The following GPRIN3 variants were observed in gnomAD, a reference collection of about 807,000 sequenced individuals.
The protein encoded by GPRIN3 is G protein-regulated inducer of neurite outgrowth 3.
A neutral mutation model predicts 13.7 loss-of-function variants in GPRIN3; 12 were observed. That is an observed-to-expected ratio of 0.87 (90% confidence interval 0.56 to 1.42). GPRIN3 has a LOEUF of 1.42. Among genes scored for constraint, GPRIN3 ranks in the 40% most tolerant of loss-of-function variants. The pLI is 0.00. For synonymous variants in GPRIN3, 377 were observed against 372.7 expected, an observed-to-expected ratio of 1.01 and a Z score of -0.13; for missense variants, 1,009 against 958.7, an observed-to-expected ratio of 1.05 and a Z score of -0.69.
At chr4:89,269,032 T>C (rs1309973520) in intron 1 of GPRIN3, among the ~76,000 whole-genome samples, 1 of 152,180 alleles carries the variant, frequency 6.6e-6, no homozygotes, top group African/African-American at 2.4e-5. Context: ...GTATGATTGA[T>C]ATGCATGGCT....
chr4:89,269,671 C>T (rs910304054), intron 1 of GPRIN3, among the ~76,000 whole-genome samples: 5 of 152,066 alleles, frequency 3.3e-5, no homozygotes, highest in African/African-American at 1.2e-4. Flanking sequence ...CTATACAAGA[C>T]AAAATATGGT....
chr4:89,237,311 G>A lies in GPRIN3; in HGVS notation c.*10469C>T, dbSNP rs1291104494. ...AGTGGTTGTGTAGAATGGTGTTGAA[G>A]AAAATTTAATAATGGTGGCATTCAG... On this transcript the variant is annotated 3_prime_UTR_variant, in exon 2 of 2. Coordinates refer to ENST00000609438, the MANE Select transcript of GPRIN3 (RefSeq NM_198281.3). 1.3e-5 allele frequency: 2 copies of A among 152,190 alleles called. No homozygotes were observed. The highest frequency in any genetic ancestry group is 2.9e-5 in the Non-Finnish European group (2 of 68,036). 9.4% of individuals were successfully genotyped at this position (152,190 alleles called of 1,614,324 possible).
intron 1 of GPRIN3, among the ~76,000 whole-genome samples, chr4:89,257,322 T>TG (rs1240987892): frequency 6.6e-6 from 1 of 152,072 alleles, no homozygotes; most frequent in African/African-American, 2.4e-5. Flanking sequence ...TGAATTCCAC[T>TG]GTAAGCAAGA....
rs78530048 is a variant in GPRIN3 at position 89,297,362 on chromosome 4, A to G, written c.-124+10253T>C. 1.9e-4 allele frequency among the ~76,000 whole-genome samples: 29 copies of G among 152,312 alleles called. No homozygotes were observed. The East Asian group carries it at 5.6e-3, about 29-fold the overall frequency. ...GGTTCTCTTATGCTCTAGAATCAAG[A>G]TGGCAAAGTGCCTCAAGTGTTTTTT... On this transcript the variant is annotated intron_variant, in intron 1 of 1. Transcript: ENST00000609438.
intron 1 of GPRIN3, among the ~76,000 whole-genome samples, chr4:89,275,318 T>C (rs1302087607): frequency 1.3e-5 from 2 of 152,142 alleles, no homozygotes; most frequent in Admixed American, 1.3e-4. Flanking sequence ...AAAAGCTGCG[T>C]ATCTAATTTG....
At chr4:89,252,637 TCTA>T (rs1486849307) in intron 1 of GPRIN3, among the ~76,000 whole-genome samples, 2 of 152,234 alleles carry the variant, frequency 1.3e-5, no homozygotes, top group Admixed American at 6.5e-5. Context: ...ATCCAGGTGA[TCTA>T]CTATCACATA....
chr4:89,262,568 C>T (rs1287273230), intron 1 of GPRIN3, among the ~76,000 whole-genome samples: 2 of 152,122 alleles, frequency 1.3e-5, no homozygotes, highest in Non-Finnish European at 2.9e-5. Flanking sequence ...GCTTCAACAC[C>T]CTTTCCATCT....
At chr4:89,261,382 G>A (rs1723622048) in intron 1 of GPRIN3, among the ~76,000 whole-genome samples, 1 of 152,318 alleles carries the variant, frequency 6.6e-6, no homozygotes, top group South Asian at 2.1e-4. Flanking sequence ...ACTGATCCAG[G>A]AGGTGAGCAT....
chr4:89,272,948 A>G (rs895544592), intron 1 of GPRIN3, among the ~76,000 whole-genome samples: 1 of 152,234 alleles, frequency 6.6e-6, no homozygotes, highest in Non-Finnish European at 1.5e-5. Context: ...GCCCTCTGGT[A>G]TCTATCACAG....
At chr4:89,251,518 C>A (rs116618098) in intron 1 of GPRIN3, among the ~76,000 whole-genome samples, 3,040 of 152,158 alleles carry the variant, frequency 0.02, 100 homozygotes, top group African/African-American at 0.069. Flanking sequence ...TCCTGAAGTA[C>A]TATTTGTAGA....
At chr4:89,272,503 T>A (rs1723985381) in intron 1 of GPRIN3, among the ~76,000 whole-genome samples, 1 of 152,230 alleles carries the variant, frequency 6.6e-6, no homozygotes, top group Non-Finnish European at 1.5e-5. Flanking sequence ...TTTGATATTC[T>A]CCATTACTCT....
chr4:89,277,390 C>G (rs1724123746), intron 1 of GPRIN3, among the ~76,000 whole-genome samples: 1 of 152,290 alleles, frequency 6.6e-6, no homozygotes, highest in Non-Finnish European at 1.5e-5. Flanking sequence ...GGACCAGGAC[C>G]CCCAAGGAAA....
chr4:89,242,442 G>C lies in GPRIN3; in HGVS notation c.*5338C>G, dbSNP rs1267826983. On this transcript the variant is annotated 3_prime_UTR_variant, in exon 2 of 2. Coordinates refer to ENST00000609438, the MANE Select transcript of GPRIN3 (RefSeq NM_198281.3). Reference sequence around the variant, plus strand: ...AAGTCTCCATTTCAACAAAACTTCTGGTTGCAGCTGTCTTGAGTTTTAAGC... The same window carrying C: ...AAGTCTCCATTTCAACAAAACTTCTCGTTGCAGCTGTCTTGAGTTTTAAGC... The C allele has an allele frequency of 6.6e-6, 1 of 152,130 alleles. No individual in the cohort carries two copies. The highest frequency in any genetic ancestry group is 6.5e-5 in the Admixed American group (1 of 15,270). The allele number at this position is 152,130 out of a possible 1,614,324, so 9.4% of individuals were successfully genotyped here. A position where few individuals can be genotyped will look rare whatever the true frequency, so the allele number is the denominator to read the frequency against.
At chr4:89,266,267 GGACA>G (rs911239827) in intron 1 of GPRIN3, among the ~76,000 whole-genome samples, 8 of 152,080 alleles carry the variant, frequency 5.3e-5, no homozygotes, top group Non-Finnish European at 1.0e-4. Flanking sequence ...TGCCCCTAAC[GGACA>G]GACAAATTTT....
chr4:89,307,601 G>A lies in GPRIN3; in HGVS notation c.-124+14C>T, dbSNP rs1316384933. ...CTGGCCGCCAGGCGGAGGTGCGCAG[G>A]GGGCGTCTCCTACCTGCTCTGCCCG... is the stretch of plus-strand genomic sequence containing the variant. On this transcript the variant is annotated intron_variant, in intron 1 of 1. Transcript: ENST00000609438. 1 of 152,130 alleles carries A rather than the reference G, an allele frequency of 6.6e-6. No individual in the cohort carries two copies. The highest frequency in any genetic ancestry group is 6.5e-5 in the Admixed American group (1 of 15,282). 9.4% of individuals were successfully genotyped at this position (152,130 alleles called of 1,614,324 possible). A position where few individuals can be genotyped will look rare whatever the true frequency, so the allele number is the denominator to read the frequency against.
chr4:89,279,989 G>A (rs903428816), intron 1 of GPRIN3, among the ~76,000 whole-genome samples: 3 of 152,068 alleles, frequency 2.0e-5, no homozygotes, highest in African/African-American at 7.2e-5. Flanking sequence ...AATTAAATAT[G>A]TCCAAAACTC....
At chr4:89,300,861 C>G (rs1281001508) in intron 1 of GPRIN3, among the ~76,000 whole-genome samples, 1 of 152,170 alleles carries the variant, frequency 6.6e-6, no homozygotes, top group East Asian at 1.9e-4. Flanking sequence ...AATGAACATG[C>G]ATTTACTAAC....
chr4:89,249,171 TG>T lies in GPRIN3; in HGVS notation c.939del (p.Ser314AlafsTer31). On this transcript the variant is annotated frameshift_variant, in exon 2 of 2. Coordinates refer to ENST00000609438, the MANE Select transcript of GPRIN3 (RefSeq NM_198281.3). LOFTEE classifies it low-confidence loss of function (END_TRUNC). ...NQAESEIKEV[P>X]SRAWQDAEVQ... ...ACCTCCGCATCTTGCCAAGCCCTGC[TG>T]GGAACTTCCTTGATTTCACTTTCAG... 1 of 1,614,238 alleles carries T rather than the reference TG, an allele frequency of 6.2e-7. No individual in the cohort carries two copies. Among genetic ancestry groups the T allele is most frequent in the Non-Finnish European group, 8.5e-7 (1 of 1,180,030 alleles).
At chr4:89,269,664 T>C (rs2116324) in intron 1 of GPRIN3, among the ~76,000 whole-genome samples, 31,775 of 152,114 alleles carry the variant, frequency 0.21, 4,007 homozygotes, top group African/African-American at 0.36. Flanking sequence ...TATTCTCCTA[T>C]ACAAGACAAA....
Sources: gnomAD v4.1 joint callset for allele counts (sites outside exome capture counted in the v4.1 genomes callset) on GRCh38, gnomAD v4.1.1 for gene constraint, MANE v1.5 for transcripts, NCBI Gene and HGNC (gene_info 2026-07-23, HGNC 2026-07-21) for gene names.